Variants in CCSER2 observed in about 807,000 individuals in gnomAD.
CCSER2 encodes the protein coiled-coil serine rich protein 2, also known as serine-rich coiled-coil domain-containing protein 2.
CCSER2 carries 46 observed loss-of-function variants against 92.3 expected under a neutral mutation model. The observed-to-expected ratio is 0.50, with a 90% CI of 0.39 to 0.64. The LOEUF (loss-of-function observed/expected upper bound fraction) is 0.64, where lower values mean the gene tolerates loss of function less well. CCSER2 is among the 30% of genes least tolerant of loss of function. The pLI is 0.00. For missense variants in CCSER2, 1,244 were observed against 1,238.9 expected, an observed-to-expected ratio of 1.00 and a Z score of -0.06; for synonymous variants, 433 against 431.4, an observed-to-expected ratio of 1.00 and a Z score of -0.04.
chr10:84,483,393 C>CAAA (rs768732138), intron 9 of CCSER2, among the ~76,000 whole-genome samples: 1 of 74,414 alleles, frequency 1.3e-5, no homozygotes, highest in Non-Finnish European at 2.7e-5. Flanking sequence ...AACTCTGTCT[C>CAAA]AAAAAAAAAA....
At chr10:84,369,251 A>T (rs756135417) in intron 1 of CCSER2, among the ~76,000 whole-genome samples, 4 of 151,942 alleles carry the variant, frequency 2.6e-5, no homozygotes, top group African/African-American at 9.7e-5. Context: ...ACTGTTTCCC[A>T]TAGAGGTAGT....
rs1842990737 is a variant in CCSER2, at chr10:84,418,619, CT to C, written c.1705+762del. ...TAAAGTGAAAATGGTGAGTGGGATC[CT>C]TTTATCCATGGTGCTAGAAAAATGC... On this transcript the variant is annotated intron_variant, in intron 4 of 9. Coordinates refer to ENST00000372088, the MANE Select transcript of CCSER2 (RefSeq NM_001284240.2). Among the ~76,000 whole-genome samples, 10 of 152,128 alleles carry C rather than the reference CT, an allele frequency of 6.6e-5. No homozygotes were observed. The South Asian group carries it at 2.1e-3, about 31-fold the overall frequency.
chr10:84,506,821 A>C (rs946923177), intron 9 of CCSER2, among the ~76,000 whole-genome samples: 13 of 151,810 alleles, frequency 8.6e-5, no homozygotes, highest in Admixed American at 8.5e-4. Context: ...ATAAATAAAT[A>C]AATAAATCTA....
At chr10:84,381,455 CTT>C (rs917789966) in intron 3 of CCSER2, among the ~76,000 whole-genome samples, 9 of 152,176 alleles carry the variant, frequency 5.9e-5, no homozygotes, top group Non-Finnish European at 1.2e-4. Context: ...TGCTATAAAA[CTT>C]TTCATAAATG....
chr10:84,443,197 A>G (rs1438637347), intron 6 of CCSER2, among the ~76,000 whole-genome samples: 1 of 152,232 alleles, frequency 6.6e-6, no homozygotes, highest in Non-Finnish European at 1.5e-5. Context: ...AACTACCATC[A>G]GAGTGAAGAG....
chr10:84,425,955 C>G, intron 5 of CCSER2, 62 bp downstream of exon 5: 1 of 1,252,620 alleles, frequency 8.0e-7, no homozygotes. Context: ...ATAATTCTCC[C>G]TTTCCCAGAA....
chr10:84,464,058 T>A lies in CCSER2; in HGVS notation c.2148+42T>A, dbSNP rs758458334. On this transcript the variant is annotated intron_variant, in intron 7 of 9. Coordinates refer to ENST00000372088, the MANE Select transcript of CCSER2 (RefSeq NM_001284240.2). ...ATGCTGGATTTTTCAAAATTCTTTTTAAATACTAAAATAATGATACAATGA... is the reference window on the plus strand; with the variant it reads ...ATGCTGGATTTTTCAAAATTCTTTTAAAATACTAAAATAATGATACAATGA... The A allele has an allele frequency of 7.3e-6, 7 of 959,238 alleles. No individual in the cohort carries two copies. The African/African-American group carries it at 1.2e-4, about 16-fold the overall frequency. The allele number at this position is 959,238 out of a possible 1,614,324, so 59.4% of individuals were successfully genotyped here. A position where few individuals can be genotyped will look rare whatever the true frequency, so the allele number is the denominator to read the frequency against.
At chr10:84,387,897 C>T (rs1262328220) in intron 3 of CCSER2, among the ~76,000 whole-genome samples, 1 of 151,784 alleles carries the variant, frequency 6.6e-6, no homozygotes, top group Non-Finnish European at 1.5e-5. Flanking sequence ...CGGAGTCTTG[C>T]TCTTCACCCA....
intron 3 of CCSER2, among the ~76,000 whole-genome samples, chr10:84,374,450 C>T (rs1181251676): frequency 2.6e-5 from 4 of 152,100 alleles, no homozygotes; most frequent in Admixed American, 6.6e-5. Context: ...TTTTGAGGTC[C>T]CTTCTTTTCA....
At chr10:84,479,317 A>G (rs561022583) in intron 9 of CCSER2, among the ~76,000 whole-genome samples, 1 of 152,366 alleles carries the variant, frequency 6.6e-6, no homozygotes, top group South Asian at 2.1e-4. Context: ...AGCTAGTACT[A>G]TAACTTAGGA....
At chr10:84,377,913 A>G (rs1846425777) in intron 3 of CCSER2, among the ~76,000 whole-genome samples, 1 of 152,170 alleles carries the variant, frequency 6.6e-6, no homozygotes, top group Non-Finnish European at 1.5e-5. Context: ...TATCATGTAT[A>G]TTGGACTTTT....
At chr10:84,474,711 T>C (rs1282220240) in intron 8 of CCSER2, among the ~76,000 whole-genome samples, 2 of 149,810 alleles carry the variant, frequency 1.3e-5, no homozygotes, top group Admixed American at 6.7e-5. Context: ...TATAGGGTTA[T>C]GATAGTTATG....
intron 1 of CCSER2, among the ~76,000 whole-genome samples, chr10:84,357,230 T>C (rs1370019165): frequency 6.8e-6 from 1 of 147,262 alleles, no homozygotes; most frequent in Non-Finnish European, 1.5e-5. Flanking sequence ...GTAGTGCATT[T>C]CAGACACAAG....
intron 5 of CCSER2, among the ~76,000 whole-genome samples, chr10:84,428,666 G>C (rs958745232): frequency 4.8e-4 from 73 of 152,166 alleles, no homozygotes; most frequent in African/African-American, 1.8e-3. Context: ...AAAGCCAATA[G>C]GTGTGTCTTG....
chr10:84,473,938 C>G (rs1016001128), intron 8 of CCSER2, among the ~76,000 whole-genome samples: 1 of 152,112 alleles, frequency 6.6e-6, no homozygotes, highest in Non-Finnish European at 1.5e-5. Context: ...CAACTCCAAC[C>G]TATGTTTGCA....
chr10:84,413,865 T>C (rs1212961340), intron 3 of CCSER2, among the ~76,000 whole-genome samples: 1 of 152,240 alleles, frequency 6.6e-6, no homozygotes, highest in East Asian at 1.9e-4. Context: ...GATAGTTAGC[T>C]CTTCTTGTTG....
At chr10:84,399,983 G>C (rs1312691286) in intron 3 of CCSER2, among the ~76,000 whole-genome samples, 2 of 151,746 alleles carry the variant, frequency 1.3e-5, no homozygotes, top group Non-Finnish European at 2.9e-5. Context: ...GATTCGCTTA[G>C]TCTCAAATGA....
At chr10:84,369,134 A>G (rs1845932300) in intron 1 of CCSER2, among the ~76,000 whole-genome samples, 1 of 148,646 alleles carries the variant, frequency 6.7e-6, no homozygotes, top group African/African-American at 2.5e-5. Flanking sequence ...TGATAAACAT[A>G]CATATGCAGG....
At chr10:84,436,376 C>T (rs1190669507) in intron 5 of CCSER2, among the ~76,000 whole-genome samples, 1 of 134,864 alleles carries the variant, frequency 7.4e-6, no homozygotes, top group Non-Finnish European at 1.5e-5. Context: ...TGTCTCAAGC[C>T]TGTCATCCCA....
Sources: gnomAD v4.1 joint callset for allele counts (sites outside exome capture counted in the v4.1 genomes callset) on GRCh38, gnomAD v4.1.1 for gene constraint, MANE v1.5 for transcripts, NCBI Gene and HGNC (gene_info 2026-07-23, HGNC 2026-07-21) for gene names.